PLCL1: variants seen among roughly 807,000 people sequenced by gnomAD.
PLCL1 encodes phospholipase C like 1 (inactive), also known as inactive phospholipase C-like protein 1.
Under a neutral mutation model 84.4 loss-of-function variants are expected in PLCL1, and 41 were observed. The observed-to-expected ratio is 0.49, with a 90% CI of 0.38 to 0.63. The LOEUF (loss-of-function observed/expected upper bound fraction) is 0.63. Ranked by LOEUF, PLCL1 falls within the 30% of genes least tolerant of loss-of-function variation. The pLI is 0.00. For synonymous variants in PLCL1, 490 were observed against 488.3 expected, an observed-to-expected ratio of 1.00 and a Z score of -0.05; for missense variants, 1,206 against 1,367.8, an observed-to-expected ratio of 0.88 and a Z score of 1.87.
intron 1 of PLCL1, among the ~76,000 whole-genome samples, chr2:197,942,275 C>T (rs1413949157): frequency 6.6e-6 from 1 of 152,090 alleles, no homozygotes; most frequent in East Asian, 1.9e-4. Flanking sequence ...TCCTTTTCAC[C>T]ACCATTTAAC....
intron 1 of PLCL1, among the ~76,000 whole-genome samples, chr2:198,047,813 A>G (rs1246283097): frequency 6.6e-6 from 1 of 152,198 alleles, no homozygotes; most frequent in Non-Finnish European, 1.5e-5. Flanking sequence ...CTTGCATAAT[A>G]ATAAAGCAGA....
intron 1 of PLCL1, among the ~76,000 whole-genome samples, chr2:198,005,257 A>T (rs1559071290): frequency 1.3e-5 from 2 of 152,256 alleles, no homozygotes; most frequent in African/African-American, 4.8e-5. Context: ...CTCCCTGCAT[A>T]GGCAATGAGT....
chr2:197,918,728 C>G (rs149270008), intron 1 of PLCL1, among the ~76,000 whole-genome samples: 85 of 152,112 alleles, frequency 5.6e-4, no homozygotes, highest in African/African-American at 1.9e-3. Context: ...TTGAGACCAG[C>G]CTGAGCAACA....
chr2:197,999,234 A>G (rs1690540563), intron 1 of PLCL1, among the ~76,000 whole-genome samples: 1 of 152,166 alleles, frequency 6.6e-6, no homozygotes, highest in African/African-American at 2.4e-5. Flanking sequence ...GGAGGGGCAA[A>G]AAAGCTGGCA....
intron 1 of PLCL1, among the ~76,000 whole-genome samples, chr2:197,838,538 C>A (rs924386951): frequency 6.6e-6 from 1 of 152,000 alleles, no homozygotes. Flanking sequence ...ACATAACATG[C>A]GGTATGCTTT....
intron 1 of PLCL1, among the ~76,000 whole-genome samples, chr2:198,048,925 G>A (rs960013777): frequency 6.6e-6 from 1 of 152,252 alleles, no homozygotes; most frequent in African/African-American, 2.4e-5. Context: ...AGCATGGTTT[G>A]TGTAGAAGAA....
intron 1 of PLCL1, among the ~76,000 whole-genome samples, chr2:197,821,979 C>T (rs1236591901): frequency 1.3e-5 from 2 of 152,128 alleles, no homozygotes; most frequent in African/African-American, 4.8e-5. Context: ...TTGACCAGAA[C>T]ACGGCTCATG....
chr2:198,103,996 T>A, intron 5 of PLCL1, 60 bp downstream of exon 5: 1 of 770,454 alleles, frequency 1.3e-6, no homozygotes, highest in Admixed American at 2.7e-5. Flanking sequence ...ATCTCTCCAA[T>A]GTGTAGAGAA....
chr2:198,088,808 G>A (rs1208198242), intron 2 of PLCL1, 50 bp from the exon 3 acceptor site: 1 of 1,050,260 alleles, frequency 9.5e-7, no homozygotes. Context: ...AGTGCTGGCG[G>A]TGATGTGTCA....
At position 198,083,947 on chromosome 2, in the gene PLCL1, C is replaced by T; in HGVS notation, c.430C>T (p.Leu144Phe). 1 of 1,614,118 alleles carries T rather than the reference C, an allele frequency of 6.2e-7. No individual in the cohort carries two copies. The highest frequency in any genetic ancestry group is 8.5e-7 in the Non-Finnish European group (1 of 1,179,986). The stretch of plus-strand genomic sequence containing the variant: ...CACTCTGGACACAGACCTTCAAGCT[C>T]TTCGCTGGGAACCTTCAAAGAAAGA... ...FFTLDTDLQALRWEPSKKDLE... is the reference protein window; with the variant it reads ...FFTLDTDLQAFRWEPSKKDLE... The change falls in exon 2 of 6, where the codon CTT becomes TTT. Residue 144 changes from leucine to phenylalanine, a missense_variant. Physicochemically the swap from Leu to Phe is conservative, Grantham distance 22. Transcript: ENST00000428675.
intron 1 of PLCL1, among the ~76,000 whole-genome samples, chr2:198,032,553 T>TAAATTA (rs1258326374): frequency 2.0e-5 from 3 of 152,198 alleles, no homozygotes; most frequent in African/African-American, 7.2e-5. Context: ...AAATTATTCA[T>TAAATTA]AAATTAACAT....
At chr2:197,935,042 T>C (rs1207396254) in intron 1 of PLCL1, among the ~76,000 whole-genome samples, 1 of 152,082 alleles carries the variant, frequency 6.6e-6, no homozygotes, top group East Asian at 1.9e-4. Context: ...ATGCTCAACA[T>C]CACTCGTCAT....
chr2:198,118,845 T>C (rs1693804603), intron 5 of PLCL1, among the ~76,000 whole-genome samples: 1 of 152,036 alleles, frequency 6.6e-6, no homozygotes, highest in African/African-American at 2.4e-5. Flanking sequence ...TAACCTTTTG[T>C]TCTCCATGAA....
At chr2:198,121,004 A>G (rs1405435014) in intron 5 of PLCL1, among the ~76,000 whole-genome samples, 3 of 151,994 alleles carry the variant, frequency 2.0e-5, no homozygotes, top group Non-Finnish European at 4.4e-5. Flanking sequence ...TTTGGATATA[A>G]GTCATTTTAA....
chr2:198,091,445 C>T (rs1023203116), intron 3 of PLCL1, among the ~76,000 whole-genome samples: 2 of 151,802 alleles, frequency 1.3e-5, no homozygotes, highest in Non-Finnish European at 2.9e-5. Flanking sequence ...TTTAGGAGGC[C>T]GAGGCGGGTG....
chr2:197,954,831 C>A (rs1383626620), intron 1 of PLCL1, among the ~76,000 whole-genome samples: 1 of 151,978 alleles, frequency 6.6e-6, no homozygotes, highest in Non-Finnish European at 1.5e-5. Flanking sequence ...AACTAACAAT[C>A]AGTGATAATT....
intron 1 of PLCL1, among the ~76,000 whole-genome samples, chr2:197,995,228 A>G (rs560643179): frequency 6.6e-6 from 1 of 152,196 alleles, no homozygotes; most frequent in East Asian, 1.9e-4. Context: ...GTTATTTCCT[A>G]TGAATCTCCT....
At chr2:197,994,800 C>G (rs1308761998) in intron 1 of PLCL1, among the ~76,000 whole-genome samples, 4 of 152,104 alleles carry the variant, frequency 2.6e-5, no homozygotes, top group African/African-American at 7.2e-5. Flanking sequence ...TTGTGAAGGC[C>G]TAATTTCTGA....
intron 3 of PLCL1, among the ~76,000 whole-genome samples, chr2:198,100,205 A>C (rs1214910248): frequency 6.6e-6 from 1 of 152,258 alleles, no homozygotes; most frequent in African/African-American, 2.4e-5. Context: ...ATCTGGGAAT[A>C]CAAAGCTGAA....
Sources: allele counts gnomAD v4.1 joint callset (sites outside exome capture counted in the v4.1 genomes callset), GRCh38; gene constraint gnomAD v4.1.1; transcripts MANE v1.5; gene names NCBI Gene and HGNC (gene_info 2026-07-23, HGNC 2026-07-21).